HIPK3: variants seen among roughly 807,000 people sequenced by gnomAD.
HIPK3 encodes the protein homeodomain interacting protein kinase 3, also known as homeodomain-interacting protein kinase 3.
Under a neutral mutation model 124.2 loss-of-function variants are expected in HIPK3, and 47 were observed. The observed-to-expected ratio is 0.38, with a 90% CI of 0.30 to 0.48. HIPK3 has a LOEUF of 0.48. HIPK3 is among the 20% of genes least tolerant of loss of function. The probability of loss-of-function intolerance (pLI) is 0.98; values close to 1 mark genes in which losing one functional copy is unlikely to be tolerated. For synonymous variants in HIPK3, 482 were observed against 515.2 expected (o/e 0.94, Z 0.87); for missense variants, 1,286 against 1,454.3 (o/e 0.88, Z 1.88).
intron 2 of HIPK3, among the ~76,000 whole-genome samples, chr11:33,294,832 T>C (rs1242438994): frequency 6.6e-6 from 1 of 152,238 alleles, no homozygotes. Flanking sequence ...TTACTGACTT[T>C]ATTTAGATTT....
chr11:33,342,600 A>G lies in HIPK3; in HGVS notation c.1897+914A>G, dbSNP rs1039992910. Among the ~76,000 whole-genome samples the G allele has an allele frequency of 5.4e-4, 82 of 150,466 alleles. 1 individual carries two copies. Among genetic ancestry groups the G allele is most frequent in the African/African-American group, 1.9e-3 (76 of 40,908 alleles). ...CTCTTGTTGCCCAGGCAGGAGTGCA[A>G]TGGCACTATCTCGGCGCACTGCAAC... On this transcript the variant is annotated intron_variant, in intron 8 of 16. Coordinates refer to ENST00000303296, the MANE Select transcript of HIPK3 (RefSeq NM_005734.5).
intron 8 of HIPK3, among the ~76,000 whole-genome samples, chr11:33,346,807 A>G (rs1375677180): frequency 6.6e-6 from 1 of 152,248 alleles, no homozygotes; most frequent in Non-Finnish European, 1.5e-5. Context: ...AATGATGTAT[A>G]TCACAAAGTA....
chr11:33,345,967 A>C (rs544875266), intron 8 of HIPK3, among the ~76,000 whole-genome samples: 44 of 152,180 alleles, frequency 2.9e-4, no homozygotes, highest in Non-Finnish European at 5.0e-4. Flanking sequence ...GAAGAGAAAC[A>C]CTCAACATCA....
chr11:33,258,447 T>C (rs1477901605), intron 1 of HIPK3: 7 of 985,106 alleles, frequency 7.1e-6, no homozygotes, highest in Non-Finnish European at 8.4e-6. Context: ...GTTTGCAGGG[T>C]GTCAACTCTG....
At chr11:33,275,114 ACTGCAGCCTCCGCCTCTCG>A (rs1851237334) in intron 1 of HIPK3, among the ~76,000 whole-genome samples, 1 of 151,958 alleles carries the variant, frequency 6.6e-6, no homozygotes, top group African/African-American at 2.4e-5. Flanking sequence ...ATCTTGAGTC[ACTGCAGCCTCCGCCTCTCG>A]AGCTCAAGTG....
At chr11:33,288,852 C>T (rs1851624486) in intron 2 of HIPK3, among the ~76,000 whole-genome samples, 1 of 152,140 alleles carries the variant, frequency 6.6e-6, no homozygotes, top group African/African-American at 2.4e-5. Context: ...ATGGACCTGC[C>T]ATCAAATACA....
At chr11:33,267,708 G>C (rs1851008738) in intron 1 of HIPK3, among the ~76,000 whole-genome samples, 1 of 150,132 alleles carries the variant, frequency 6.7e-6, no homozygotes. Flanking sequence ...GTGTTAGCCC[G>C]GCTGGTCTCC....
intron 2 of HIPK3, among the ~76,000 whole-genome samples, chr11:33,313,583 GGTA>G: frequency 6.6e-6 from 1 of 151,994 alleles, no homozygotes; most frequent in Non-Finnish European, 1.5e-5. Context: ...CTAGTTGAGG[GGTA>G]TTATCAGAAT....
intron 1 of HIPK3, among the ~76,000 whole-genome samples, chr11:33,269,916 G>A (rs10836046): frequency 0.67 from 101,180 of 151,928 alleles, 33,970 homozygotes; most frequent in Non-Finnish European, 0.72. Context: ...TCCTTTGCCT[G>A]GATTCCCTAT....
At chr11:33,283,011 A>C (rs1214607214) in intron 1 of HIPK3, among the ~76,000 whole-genome samples, 1 of 152,180 alleles carries the variant, frequency 6.6e-6, no homozygotes, top group Admixed American at 6.5e-5. Context: ...TTTTTTCTTC[A>C]TTAAAAGAAC....
chr11:33,265,805 G>C (rs1338600893), intron 1 of HIPK3, among the ~76,000 whole-genome samples: 3 of 147,816 alleles, frequency 2.0e-5, no homozygotes, highest in Admixed American at 6.8e-5. Context: ...AGCAAAATGG[G>C]CCGGGCACGG....
chr11:33,306,236 AAAT>A (rs1276381949), intron 2 of HIPK3, among the ~76,000 whole-genome samples: 1 of 152,210 alleles, frequency 6.6e-6, no homozygotes, highest in Non-Finnish European at 1.5e-5. Flanking sequence ...AGTAAAATGA[AAAT>A]AAAATTATAC....
chr11:33,301,348 T>G (rs535042592), intron 2 of HIPK3, among the ~76,000 whole-genome samples: 1 of 152,334 alleles, frequency 6.6e-6, no homozygotes, highest in Non-Finnish European at 1.5e-5. Context: ...CCCAAACTCC[T>G]TCTCTCCCAC....
Position 33,286,895 on chromosome 11 carries a change from C to G in HIPK3, c.481C>G (p.Pro161Ala), listed in dbSNP as rs1172591799. The G allele has an allele frequency of 2.5e-6, 4 of 1,614,054 alleles. No individual in the cohort carries two copies. Among genetic ancestry groups the G allele is most frequent in the Non-Finnish European group, 3.4e-6 (4 of 1,180,030 alleles). ...PAMLQTNMGN[P>A]VTVVTATTGS... ...AATGTTGCAAACCAACATGGGAAAT[C>G]CAGTGACAGTTGTGACAGCTACCAC... is the stretch of plus-strand genomic sequence containing the variant. The change falls in exon 2 of 17, where the codon CCA (proline) becomes GCA (alanine). Residue 161 changes from proline (P) to alanine (A), a missense_variant. By Grantham distance (27) the Pro-to-Ala change is conservative. Transcript: ENST00000303296.
intron 8 of HIPK3, among the ~76,000 whole-genome samples, chr11:33,346,349 G>T (rs1394147346): frequency 6.6e-6 from 1 of 152,148 alleles, no homozygotes; most frequent in Non-Finnish European, 1.5e-5. Context: ...AAGAATACTA[G>T]TCAATTAAGC....
chr11:33,351,656 T>C lies in HIPK3; in HGVS notation c.2856T>C (p.Ser952=). ...GTAGTTGTGATACGGTGGATGGCTC[T>C]CCGACATCTGACTCTTCCGGGCATG... ...QESSCDTVDG[S]PTSDSSGHDS... is the part of the protein sequence containing the mutation. Residue 952 remains serine, a synonymous_variant, in exon 15 of 17, where the codon TCT becomes TCC. Coordinates refer to ENST00000303296, the MANE Select transcript of HIPK3 (RefSeq NM_005734.5). 6.2e-7 allele frequency: 1 copy of C among 1,614,220 alleles called. No individual in the cohort carries two copies. The highest frequency in any genetic ancestry group is 8.5e-7 in the Non-Finnish European group (1 of 1,180,032).
chr11:33,299,195 C>G (rs951923410), intron 2 of HIPK3, among the ~76,000 whole-genome samples: 1 of 148,828 alleles, frequency 6.7e-6, no homozygotes, highest in Admixed American at 6.7e-5. Flanking sequence ...TTTCTTGGGC[C>G]GGGCGCGGTG....
chr11:33,279,324 C>CAAAAAAA (rs869091127), intron 1 of HIPK3, among the ~76,000 whole-genome samples: 2 of 77,522 alleles, frequency 2.6e-5, no homozygotes, highest in African/African-American at 4.9e-5. Context: ...CTCTTTGTCT[C>CAAAAAAA]AAAAAAAAAA....
At chr11:33,257,927 T>TG (rs1376248276) in intron 1 of HIPK3, 38 bp downstream of exon 1, 4 of 984,602 alleles carry the variant, frequency 4.1e-6, no homozygotes, top group African/African-American at 3.5e-5. Flanking sequence ...CACCCCGGGG[T>TG]GGGGGGATCG....
Sources: gnomAD v4.1 joint callset for allele counts (sites outside exome capture counted in the v4.1 genomes callset) on GRCh38, gnomAD v4.1.1 for gene constraint, MANE v1.5 for transcripts, NCBI Gene and HGNC (gene_info 2026-07-23, HGNC 2026-07-21) for gene names.